The following USP47 variants were observed in gnomAD, a reference collection of about 807,000 sequenced individuals.
The protein encoded by USP47 is ubiquitin specific peptidase 47, also known as ubiquitin carboxyl-terminal hydrolase 47.
In USP47, 35 loss-of-function variants were observed where a neutral mutation model predicts 165.1. That is an observed-to-expected ratio of 0.21 (90% CI 0.16 to 0.28). USP47 has a LOEUF of 0.28. Ranked by LOEUF, USP47 falls within the 10% of genes least tolerant of loss-of-function variation. USP47 has a pLI of 1.00. For missense variants in USP47, 1,277 were observed against 1,607.4 expected (o/e 0.79, Z 3.52); for synonymous variants, 531 against 544.5 (o/e 0.98, Z 0.35).
At chr11:11,869,974 C>T (rs955107021) in intron 1 of USP47, among the ~76,000 whole-genome samples, 2 of 152,070 alleles carry the variant, frequency 1.3e-5, no homozygotes, top group African/African-American at 4.8e-5. Context: ...AAAACAATTT[C>T]TGTGCTGGTA....
In USP47 at chr11:11,923,052, A is replaced by C. The variant is rs1232485339; in HGVS notation, c.1386+161A>C. Among the ~76,000 whole-genome samples, 4 of 26,912 alleles carry C rather than the reference A, an allele frequency of 1.5e-4. 1 individual carries two copies. The South Asian group carries it at 8.8e-3, about 59-fold the overall frequency. 17.7% of individuals were successfully genotyped at this position (26,912 alleles called of 152,430 possible). On this transcript the variant is annotated intron_variant, in intron 11 of 27. Transcript: ENST00000527733. ...ATAGTTTTTTTGTACATATATATATATATATATATATATATATATATATAT... is the reference window on the plus strand; with the variant it reads ...ATAGTTTTTTTGTACATATATATATCTATATATATATATATATATATATAT...
At chr11:11,846,294 C>G (rs1024701932) in intron 1 of USP47, among the ~76,000 whole-genome samples, 1 of 152,116 alleles carries the variant, frequency 6.6e-6, no homozygotes, top group Non-Finnish European at 1.5e-5. Flanking sequence ...TGAGTACTCA[C>G]TGTGCATATT....
At chr11:11,848,070 G>T (rs1848523182) in intron 1 of USP47, among the ~76,000 whole-genome samples, 1 of 152,232 alleles carries the variant, frequency 6.6e-6, no homozygotes, top group South Asian at 2.1e-4. Flanking sequence ...GCTTTAACCA[G>T]TAGGAAAGTC....
At chr11:11,861,705 A>G (rs1849397081) in intron 1 of USP47, among the ~76,000 whole-genome samples, 2 of 152,220 alleles carry the variant, frequency 1.3e-5, no homozygotes, top group South Asian at 2.1e-4. Context: ...CCTGAGGGAC[A>G]CCCTAATACT....
At chr11:11,866,712 G>A (rs1849704386) in intron 1 of USP47, among the ~76,000 whole-genome samples, 1 of 151,934 alleles carries the variant, frequency 6.6e-6, no homozygotes, top group Admixed American at 6.6e-5. Context: ...TTGCATTCCT[G>A]ATAGATATTT....
At chr11:11,916,360 G>A (rs1384760306) in intron 8 of USP47, among the ~76,000 whole-genome samples, 3 of 152,062 alleles carry the variant, frequency 2.0e-5, no homozygotes, top group Non-Finnish European at 4.4e-5. Flanking sequence ...ATATGAAACT[G>A]TTGTCACTCT....
At chr11:11,873,732 AT>A in intron 1 of USP47, 1 of 943,364 alleles carries the variant, frequency 1.1e-6, no homozygotes, top group Non-Finnish European at 1.4e-6. Flanking sequence ...AATTGTTCTC[AT>A]TTCACTGTCT....
At chr11:11,895,478 T>G (rs1851789753) in intron 4 of USP47, among the ~76,000 whole-genome samples, 1 of 152,176 alleles carries the variant, frequency 6.6e-6, no homozygotes, top group Admixed American at 6.5e-5. Flanking sequence ...CCTTAAGAAA[T>G]TATTATAAAT....
rs1856474028 is a variant in USP47, at chr11:11,955,067, C to G, written c.3796C>G (p.Leu1266Val). 3.7e-6 allele frequency: 6 copies of G among 1,613,498 alleles called. No individual in the cohort carries two copies. Among genetic ancestry groups the G allele is most frequent in the South Asian group, 1.1e-5 (1 of 91,012 alleles). Residue 1266 changes from leucine (L) to valine (V), a missense_variant, in exon 27 of 28, where the codon CTT becomes GTT. Around this residue, in one of 4 missense-constraint regions of USP47, gnomAD observed 909 missense variants for 1,068.1 expected, o/e 0.85. Coordinates refer to ENST00000527733, the MANE Select transcript of USP47 (RefSeq NM_001282659.2). Reference protein sequence around the residue: ...RGTFPCDISVLDIHQDLDWNP... With the variant: ...RGTFPCDISVVDIHQDLDWNP... ...AACATTTCCCTGTGATATTTCTGTC[C>G]TTGATATTCATCAGGATTTAGACTG...
intron 1 of USP47, among the ~76,000 whole-genome samples, chr11:11,851,069 A>G (rs1848698744): frequency 6.6e-6 from 1 of 152,200 alleles, no homozygotes; most frequent in Admixed American, 6.5e-5. Flanking sequence ...AGACATAGGC[A>G]TTTAGACCAG....
chr11:11,952,625 C>CTT (rs1393794615), intron 24 of USP47, 116 bp from the exon 25 acceptor site: 55 of 1,236,356 alleles, frequency 4.4e-5, no homozygotes, highest in Non-Finnish European at 5.8e-5. Flanking sequence ...CTTGTGCCCA[C>CTT]TTTTTAAGAG....
intron 1 of USP47, among the ~76,000 whole-genome samples, chr11:11,844,553 C>G (rs1271927797): frequency 9.9e-5 from 15 of 152,160 alleles, no homozygotes; most frequent in Admixed American, 9.8e-4. Flanking sequence ...GAACTCACTT[C>G]CTTTGCTACT....
chr11:11,900,339 T>C (rs1380602864), intron 5 of USP47, among the ~76,000 whole-genome samples: 2 of 151,924 alleles, frequency 1.3e-5, no homozygotes, highest in Non-Finnish European at 2.9e-5. Flanking sequence ...TTTTTGTATT[T>C]TTAGTAGAGA....
chr11:11,897,282 A>G (rs752385926), intron 4 of USP47, among the ~76,000 whole-genome samples: 1 of 151,848 alleles, frequency 6.6e-6, no homozygotes, highest in Non-Finnish European at 1.5e-5. Context: ...TGGGGGAAAA[A>G]GTTTATGTCT....
chr11:11,914,889 A>C (rs1221984401), intron 8 of USP47, among the ~76,000 whole-genome samples: 10 of 152,212 alleles, frequency 6.6e-5, no homozygotes, highest in Non-Finnish European at 1.5e-5. Context: ...TATCACACAT[A>C]CACTGCTGGT....
At chr11:11,913,329 A>T (rs941553632) in intron 8 of USP47, among the ~76,000 whole-genome samples, 1 of 151,766 alleles carries the variant, frequency 6.6e-6, no homozygotes, top group South Asian at 2.1e-4. Flanking sequence ...TAAAAATAAC[A>T]TAAAAAATAA....
chr11:11,851,247 C>G (rs959840268), intron 1 of USP47, among the ~76,000 whole-genome samples: 1 of 150,438 alleles, frequency 6.6e-6, no homozygotes, highest in Admixed American at 6.6e-5. Flanking sequence ...ATTATGGCAC[C>G]CTTCAAATTC....
rs139784510 is a variant in USP47, at chr11:11,910,298, A to G, written c.969+4750A>G. On this transcript the variant is annotated intron_variant, in intron 8 of 27. Coordinates refer to ENST00000527733, the MANE Select transcript of USP47 (RefSeq NM_001282659.2). The stretch of plus-strand genomic sequence containing the variant: ...TCCATGGGTTTTCTTTTTGCCTAAT[A>G]TATCCCAGGCTTGGAACTGAAGAAG... Among the ~76,000 whole-genome samples, 797 of 152,266 alleles carry G rather than the reference A, an allele frequency of 5.2e-3. 10 individuals are homozygous for G. Among genetic ancestry groups the G allele is most frequent in the African/African-American group, 0.018 (764 of 41,550 alleles).
At chr11:11,898,764 G>C (rs1479114288) in intron 5 of USP47, among the ~76,000 whole-genome samples, 3 of 152,172 alleles carry the variant, frequency 2.0e-5, no homozygotes, top group African/African-American at 7.2e-5. Flanking sequence ...CTTCAGGTAG[G>C]TCATGAAGCT....
Sources: gnomAD v4.1 joint callset for allele counts (sites outside exome capture counted in the v4.1 genomes callset) on GRCh38, gnomAD v4.1.1 for gene constraint, gnomAD v4.1.1 regional missense constraint, MANE v1.5 for transcripts, NCBI Gene and HGNC (gene_info 2026-07-23, HGNC 2026-07-21) for gene names.